The following MYH11 variants were observed in gnomAD, a reference collection of about 807,000 sequenced individuals.
MYH11 encodes myosin-11.
In MYH11, 80 loss-of-function variants were observed where a neutral mutation model predicts 246.6. The observed-to-expected ratio is 0.32, with a 90% CI of 0.27 to 0.39. MYH11 has a LOEUF of 0.39. MYH11 is among the 10% of genes least tolerant of loss of function. The pLI is 1.00. For missense variants in MYH11, 2,158 were observed against 2,546.8 expected (o/e 0.85, Z 3.29); for synonymous variants, 1,071 against 1,015.5 (o/e 1.05, Z -1.04).
In MYH11 at chr16:15,841,632, G is replaced by A. The variant is rs185174156; in HGVS notation, c.-17-3363C>T. 5.3e-5 allele frequency among the ~76,000 whole-genome samples: 8 copies of A among 152,262 alleles called. No individual in the cohort carries two copies. The East Asian group carries it at 5.8e-4, about 11-fold the overall frequency. ...GGATGGTAGATTCACGTTATCTGTC[G>A]TTATCCAGATGTGTTTATGAGGAGA... On this transcript the variant is annotated intron_variant, in intron 1 of 40. Coordinates refer to ENST00000300036, the MANE Select transcript of MYH11 (RefSeq NM_002474.3).
chr16:15,712,881 A>ATTTTTTTTTTTTTTTTTTTTTTTTTT (rs1567680172), intron 40 of MYH11: 1 of 65,934 alleles, frequency 1.5e-5, no homozygotes, highest in Admixed American at 1.3e-4. Context: ...CTTCACATAC[A>ATTTTTTTTTTTTTTTTTTTTTTTTTT]GTTTTTTTTT....
intron 40 of MYH11, chr16:15,713,297 AG>A (rs869260016): frequency 7.3e-6 from 1 of 136,354 alleles, no homozygotes; most frequent in Non-Finnish European, 1.7e-5. Flanking sequence ...TAGGATGATG[AG>A]GCAGTGGGAG....
chr16:15,756,574 A>G, intron 13 of MYH11, 60 bp from the exon 14 acceptor site: 1 of 1,582,356 alleles, frequency 6.3e-7, no homozygotes, highest in Non-Finnish European at 8.7e-7. Context: ...CATTCCATGA[A>G]GAGCTGGCCA....
At chr16:15,776,819 G>T (rs560729840) in intron 7 of MYH11, among the ~76,000 whole-genome samples, 1 of 152,298 alleles carries the variant, frequency 6.6e-6, no homozygotes, top group Non-Finnish European at 1.5e-5. Context: ...GCGATGCGGG[G>T]TGGCAGGAGG....
intron 27 of MYH11, 103 bp downstream of exon 27, chr16:15,732,461 A>G: frequency 6.7e-7 from 1 of 1,493,932 alleles, no homozygotes; most frequent in African/African-American, 1.4e-5. Context: ...AATCTTATGT[A>G]ACTTGTTTTT....
At chr16:15,718,970 A>T (rs892835813) in intron 36 of MYH11, 2 of 505,426 alleles carry the variant, frequency 4.0e-6, no homozygotes, top group Non-Finnish European at 7.1e-6. Flanking sequence ...TCTACTAAAA[A>T]TATAAAAATT....
intron 3 of MYH11, among the ~76,000 whole-genome samples, chr16:15,808,243 CA>C (rs2043059617): frequency 6.6e-6 from 1 of 152,178 alleles, no homozygotes; most frequent in African/African-American, 2.4e-5. Flanking sequence ...GGGTCCTCGG[CA>C]GCTGACTGCT....
At chr16:15,813,838 AG>A (rs1196676903) in intron 3 of MYH11, among the ~76,000 whole-genome samples, 4 of 141,204 alleles carry the variant, frequency 2.8e-5, no homozygotes, top group African/African-American at 5.3e-5. Flanking sequence ...CACACAAAAG[AG>A]GGGGGAAAAG....
chr16:15,800,301 C>T (rs913164775), intron 3 of MYH11, among the ~76,000 whole-genome samples: 5 of 148,286 alleles, frequency 3.4e-5, no homozygotes, highest in Non-Finnish European at 4.5e-5. Context: ...AATAGGCAGA[C>T]AGATGGCTGG....
chr16:15,717,448 C>A, intron 37 of MYH11, 100 bp from the exon 38 acceptor site: 4 of 1,246,018 alleles, frequency 3.2e-6, no homozygotes, highest in Non-Finnish European at 4.6e-6. Flanking sequence ...CTGCACGAGT[C>A]CCTTGATCCC....
intron 9 of MYH11, among the ~76,000 whole-genome samples, chr16:15,771,265 G>A (rs140672369): frequency 2.1e-3 from 320 of 151,994 alleles, no homozygotes; most frequent in Non-Finnish European, 2.9e-3. Context: ...CCCGCAAAGC[G>A]CTGAGATTAC....
intron 9 of MYH11, among the ~76,000 whole-genome samples, chr16:15,766,747 C>G (rs1386614013): frequency 1.3e-5 from 2 of 152,120 alleles, no homozygotes; most frequent in African/African-American, 4.8e-5. Context: ...GCTCAGGAAC[C>G]ATTGGTTTGC....
chr16:15,716,139 G>A (rs1199979807), intron 38 of MYH11, among the ~76,000 whole-genome samples: 3 of 152,026 alleles, frequency 2.0e-5, no homozygotes, highest in African/African-American at 7.2e-5. Flanking sequence ...ATGCTGCCCA[G>A]ACTGGTCTCG....
chr16:15,810,658 G>A (rs1204802862), intron 3 of MYH11, among the ~76,000 whole-genome samples: 1 of 152,196 alleles, frequency 6.6e-6, no homozygotes, highest in East Asian at 1.9e-4. Context: ...CCTCTGCAGA[G>A]AAACAGCTGG....
intron 2 of MYH11, among the ~76,000 whole-genome samples, chr16:15,826,320 G>A (rs909769558): frequency 6.6e-6 from 1 of 152,086 alleles, no homozygotes; most frequent in East Asian, 1.9e-4. Context: ...GGGTGTGGTG[G>A]CTCACAACTG....
intron 38 of MYH11, 35 bp from the exon 39 acceptor site, chr16:15,715,307 G>A: frequency 6.2e-7 from 1 of 1,607,978 alleles, no homozygotes. Flanking sequence ...GGTTTCAGCG[G>A]AGGGTGGCAC....
Position 15,732,835 on chromosome 16 carries a change from G to T in MYH11, c.3507-127C>A. The T allele has an allele frequency of 2.5e-6, 3 of 1,208,634 alleles. No individual in the cohort carries two copies. In the Admixed American group the frequency reaches 5.9e-5, roughly 24 times the overall value. 74.9% of individuals were successfully genotyped at this position (1,208,634 alleles called of 1,614,324 possible). A position where few individuals can be genotyped will look rare whatever the true frequency, so the allele number is the denominator to read the frequency against. ...TCCTCATCACCACCCCTCTCTAGCT[G>T]TGTGACCTTGGGTCATTCACCTAAC... On this transcript the variant is annotated intron_variant, in intron 26 of 40. Transcript: ENST00000300036.
intron 40 of MYH11, chr16:15,712,897 A>ATTTTTTT (rs2039897795): frequency 4.6e-5 from 2 of 43,816 alleles, no homozygotes. Flanking sequence ...TTTTTTTTTG[A>ATTTTTTT]GACCGAGTCT....
chr16:15,754,224 TTAAA>T (rs1257024361), intron 14 of MYH11, among the ~76,000 whole-genome samples: 4 of 151,992 alleles, frequency 2.6e-5, no homozygotes, highest in South Asian at 2.1e-4. Flanking sequence ...CTCAAAATAA[TTAAA>T]TAAATAAATT....
Sources: allele counts gnomAD v4.1 joint callset (sites outside exome capture counted in the v4.1 genomes callset), GRCh38; gene constraint gnomAD v4.1.1; transcripts MANE v1.5; gene names NCBI Gene and HGNC (gene_info 2026-07-23, HGNC 2026-07-21).